The following GRIK4 variants were observed in gnomAD, a reference collection of about 807,000 sequenced individuals.
The protein encoded by GRIK4 is glutamate receptor ionotropic, kainate 4.
In GRIK4, 40 loss-of-function variants were observed where a neutral mutation model predicts 104.9. The ratio of observed to expected loss-of-function variants is 0.38; its 90% CI spans 0.30 to 0.50. The LOEUF (loss-of-function observed/expected upper bound fraction) is 0.50. GRIK4 is among the 20% of genes least tolerant of loss of function. GRIK4 has a pLI of 0.93. For missense variants in GRIK4, 1,047 were observed against 1,308.1 expected, an observed-to-expected ratio of 0.80 and a Z score of 3.08; for synonymous variants, 485 against 524.9, an observed-to-expected ratio of 0.92 and a Z score of 1.04.
At chr11:120,552,582 T>C (rs1442824216) in intron 1 of GRIK4, among the ~76,000 whole-genome samples, 5 of 152,276 alleles carry the variant, frequency 3.3e-5, no homozygotes, top group Admixed American at 3.3e-4. Flanking sequence ...TGGTTGTAAG[T>C]TGAAAATGCA....
At chr11:120,731,996 A>G (rs992664489) in intron 3 of GRIK4, among the ~76,000 whole-genome samples, 13 of 151,894 alleles carry the variant, frequency 8.6e-5, no homozygotes, top group Non-Finnish European at 1.3e-4. Context: ...TTTTCAAAAA[A>G]CCAACTCTCT....
chr11:120,955,209 C>T (rs1203677918), intron 15 of GRIK4, among the ~76,000 whole-genome samples: 2 of 152,180 alleles, frequency 1.3e-5, no homozygotes, highest in Non-Finnish European at 2.9e-5. Context: ...TTCTGCAGAT[C>T]CCACCAATGG....
chr11:120,790,267 TAAAG>T (rs1952368869), intron 3 of GRIK4, among the ~76,000 whole-genome samples: 1 of 152,272 alleles, frequency 6.6e-6, no homozygotes, highest in South Asian at 2.1e-4. Context: ...GGTGAATTAA[TAAAG>T]AAAGGAATGA....
intron 1 of GRIK4, among the ~76,000 whole-genome samples, chr11:120,567,945 C>T (rs867560845): frequency 1.9e-4 from 29 of 152,204 alleles, no homozygotes; most frequent in African/African-American, 7.0e-4. Flanking sequence ...TTTGGGAGGC[C>T]GAGGCAGGAG....
At chr11:120,881,891 T>A (rs1483830084) in intron 11 of GRIK4, among the ~76,000 whole-genome samples, 2 of 152,112 alleles carry the variant, frequency 1.3e-5, no homozygotes, top group Admixed American at 1.3e-4. Flanking sequence ...AGCTGAGAAC[T>A]CTGGAAAATA....
At chr11:120,731,368 G>T (rs548851905) in intron 3 of GRIK4, among the ~76,000 whole-genome samples, 4 of 151,648 alleles carry the variant, frequency 2.6e-5, no homozygotes, top group African/African-American at 9.7e-5. Flanking sequence ...ATAATGTCAC[G>T]TTGCTTGATT....
intron 1 of GRIK4, among the ~76,000 whole-genome samples, chr11:120,650,889 A>G (rs1949609502): frequency 6.6e-6 from 1 of 152,238 alleles, no homozygotes; most frequent in Non-Finnish European, 1.5e-5. Flanking sequence ...ATTGAATCCT[A>G]TTAACAACCC....
chr11:120,831,702 G>T (rs1953431556), intron 6 of GRIK4, 150 bp from the exon 7 acceptor site: 3 of 581,998 alleles, frequency 5.2e-6, no homozygotes, highest in Admixed American at 2.8e-5. Flanking sequence ...AACCTGCTCA[G>T]GTTATGATCT....
chr11:120,896,710 G>A (rs925994266), intron 11 of GRIK4, among the ~76,000 whole-genome samples: 9 of 152,224 alleles, frequency 5.9e-5, no homozygotes, highest in East Asian at 3.8e-4. Flanking sequence ...TGGGGGCGGC[G>A]AGAAAGGGTG....
chr11:120,657,342 A>G (rs942770635), intron 2 of GRIK4, among the ~76,000 whole-genome samples: 9 of 152,210 alleles, frequency 5.9e-5, no homozygotes, highest in African/African-American at 2.2e-4. Flanking sequence ...GTTTGCTTTA[A>G]TCTATCCCTG....
chr11:120,780,697 T>C (rs1952138249), intron 3 of GRIK4, among the ~76,000 whole-genome samples: 1 of 152,208 alleles, frequency 6.6e-6, no homozygotes, highest in Non-Finnish European at 1.5e-5. Flanking sequence ...TTTTGAGGCC[T>C]TACATTATCC....
intron 3 of GRIK4, among the ~76,000 whole-genome samples, chr11:120,753,324 TG>T (rs1951593258): frequency 6.6e-6 from 1 of 151,052 alleles, no homozygotes; most frequent in South Asian, 2.1e-4. Context: ...TGTGTGTGTG[TG>T]TGTGTGTGTG....
chr11:120,730,480 C>T (rs1443842873), intron 3 of GRIK4, among the ~76,000 whole-genome samples: 1 of 152,096 alleles, frequency 6.6e-6, no homozygotes, highest in Non-Finnish European at 1.5e-5. Flanking sequence ...GGTACTGTAG[C>T]TCTTTGAAGT....
At chr11:120,857,761 G>A (rs1046731645) in intron 8 of GRIK4, among the ~76,000 whole-genome samples, 8 of 152,140 alleles carry the variant, frequency 5.3e-5, no homozygotes, top group East Asian at 1.9e-4. Flanking sequence ...TCAAAACAGC[G>A]TTGACCAAAC....
intron 3 of GRIK4, among the ~76,000 whole-genome samples, chr11:120,738,902 G>A (rs2135404366): frequency 6.6e-6 from 1 of 152,342 alleles, no homozygotes; most frequent in South Asian, 2.1e-4. Context: ...GCAGGCCAGA[G>A]CTTTTGGAGA....
intron 1 of GRIK4, among the ~76,000 whole-genome samples, chr11:120,640,630 T>C (rs1214843203): frequency 1.3e-5 from 2 of 152,236 alleles, no homozygotes; most frequent in Non-Finnish European, 2.9e-5. Context: ...AACTTTCTTT[T>C]AACCATAACA....
intron 1 of GRIK4, among the ~76,000 whole-genome samples, chr11:120,535,221 G>A (rs555663647): frequency 1.3e-5 from 2 of 152,132 alleles, no homozygotes; most frequent in South Asian, 4.2e-4. Flanking sequence ...CTGGTGGGTG[G>A]CAGATGGGGG....
chr11:120,642,750 G>A (rs1275380395), intron 1 of GRIK4, among the ~76,000 whole-genome samples: 2 of 152,312 alleles, frequency 1.3e-5, no homozygotes, highest in Non-Finnish European at 2.9e-5. Flanking sequence ...TTGCGTCCAG[G>A]ATGAGAACTC....
At chr11:120,699,655 G>T (rs191194589) in intron 3 of GRIK4, among the ~76,000 whole-genome samples, 26 of 151,984 alleles carry the variant, frequency 1.7e-4, no homozygotes, top group African/African-American at 6.3e-4. Context: ...AATGTCCAAG[G>T]GTGTTAACAT....
Sources: gnomAD v4.1 joint callset for allele counts (sites outside exome capture counted in the v4.1 genomes callset) on GRCh38, gnomAD v4.1.1 for gene constraint, MANE v1.5 for transcripts, NCBI Gene and HGNC (gene_info 2026-07-23, HGNC 2026-07-21) for gene names.